The following APH1A variants were observed in gnomAD, a reference collection of about 807,000 sequenced individuals.
APH1A encodes aph-1A gamma-secretase subunit.
APH1A carries 16 observed loss-of-function variants against 30.3 expected under a neutral mutation model. The observed-to-expected ratio is 0.53, with a 90% confidence interval of 0.36 to 0.80. APH1A has a LOEUF of 0.80. Ranked by LOEUF, APH1A falls within the 30% of genes least tolerant of loss-of-function variation. The probability of loss-of-function intolerance (pLI) is 0.01; values close to 1 mark genes in which losing one functional copy is unlikely to be tolerated. For synonymous variants in APH1A, 144 were observed against 140.1 expected, an observed-to-expected ratio of 1.03 and a Z score of -0.20; for missense variants, 245 against 337.8, an observed-to-expected ratio of 0.73 and a Z score of 2.15.
intron 3 of APH1A, 57 bp downstream of exon 3, chr1:150,267,659 T>C: frequency 6.3e-7 from 1 of 1,585,214 alleles, no homozygotes; most frequent in Admixed American, 1.8e-5. Flanking sequence ...ATTTAGAGAC[T>C]TCCCTAGAGG....
intron 6 of APH1A, 60 bp downstream of exon 6, chr1:150,266,473 T>A: frequency 6.2e-7 from 1 of 1,610,672 alleles, no homozygotes; most frequent in Non-Finnish European, 8.5e-7. Context: ...GGCTCAGTCA[T>A]GGGCAGTGGA....
chr1:150,268,331 AAG>A, intron 1 of APH1A: 1 of 649,124 alleles, frequency 1.5e-6, no homozygotes, highest in Non-Finnish European at 2.6e-6. Flanking sequence ...AATCTAATTA[AAG>A]AGTCTTCAGA....
intron 5 of APH1A, 187 bp downstream of exon 5, chr1:150,266,888 T>G: frequency 1.8e-6 from 2 of 1,110,110 alleles, no homozygotes; most frequent in Non-Finnish European, 1.3e-6. Context: ...GTTTGACTAA[T>G]CCTTTCAACC....
intron 2 of APH1A, 21 bp from the exon 3 acceptor site, chr1:150,267,810 G>A (rs782578335): frequency 3.1e-6 from 5 of 1,613,412 alleles, no homozygotes; most frequent in South Asian, 2.2e-5. Context: ...GTGGGGTAGG[G>A]GAAACATGAG....
chr1:150,266,059 T>A lies in APH1A; in HGVS notation c.*71A>T, dbSNP rs1651672973. 4 of 1,529,862 alleles carry A rather than the reference T, an allele frequency of 2.6e-6. No individual in the cohort carries two copies. The African/African-American group carries it at 5.5e-5, about 21-fold the overall frequency. 94.8% of individuals were successfully genotyped at this position (1,529,862 alleles called of 1,614,324 possible). ...CTTGGCAACCTGCACTGTCCAGAAC[T>A]GGAGATGGAGAAATACAGGGCGAGG... is the stretch of plus-strand genomic sequence containing the variant. On this transcript the variant is annotated 3_prime_UTR_variant, in exon 7 of 7. Transcript: ENST00000369109.
chr1:150,268,860 G>T lies in APH1A; in HGVS notation c.-50C>A. ...GGGGGCCTGACCAGGACAGGCAAAT[G>T]GGAGGGGCGCGCCAGCTGGGGAGTC... On this transcript the variant is annotated 5_prime_UTR_variant, in exon 1 of 7. Transcript: ENST00000369109. The T allele has an allele frequency of 1.3e-6, 2 of 1,532,742 alleles. No individual in the cohort carries two copies. Among genetic ancestry groups the T allele is most frequent in the South Asian group, 1.2e-5 (1 of 85,810 alleles). 94.9% of individuals were successfully genotyped at this position (1,532,742 alleles called of 1,614,324 possible).
In APH1A at chr1:150,266,611, C is replaced by T; in HGVS notation, c.655G>A (p.Ala219Thr). The T allele has an allele frequency of 6.2e-7, 1 of 1,614,108 alleles. No individual in the cohort carries two copies. The highest frequency in any genetic ancestry group is 8.5e-7 in the Non-Finnish European group (1 of 1,179,996). Residue 219 changes from alanine to threonine, a missense_variant, in exon 6 of 7, where the codon GCA becomes ACA. Transcript: ENST00000369109. The part of the protein sequence containing the change: ...WYEASLLPIY[A>T]VTVSMGLWAF... ...CAGAGCCCCATGGAAACAGTGACTG[C>T]ATAGATGGGCAGCAGGCTGGCCTCA...
chr1:150,268,281 G>A, intron 1 of APH1A, 154 bp from the exon 2 acceptor site: 1 of 824,064 alleles, frequency 1.2e-6, no homozygotes, highest in Non-Finnish European at 1.8e-6. Flanking sequence ...TCCACCAAGA[G>A]ACTCATCTGT....
In APH1A at chr1:150,267,752, C is replaced by G; in HGVS notation, c.322G>C (p.Gly108Arg). ...DEGLASLSED[G>R]RSPISIRQMA... ...TGGCGGATGGAGATGGGTGATCTTC[C>G]GTCCTCACTCAGCGATGCTAACCCC... The change falls in exon 3 of 7, where the codon GGA (glycine) becomes CGA (arginine). Residue 108 changes from glycine to arginine, a missense_variant. Gly to Arg is a moderately radical substitution (Grantham distance 125). Coordinates refer to ENST00000369109, the MANE Select transcript of APH1A (RefSeq NM_001077628.3). 6.2e-7 allele frequency: 1 copy of G among 1,609,820 alleles called. No homozygotes were observed. Among genetic ancestry groups the G allele is most frequent in the Non-Finnish European group, 8.5e-7 (1 of 1,178,198 alleles).
intron 1 of APH1A, 32 bp downstream of exon 1, chr1:150,268,666 G>T: frequency 6.3e-7 from 1 of 1,584,358 alleles, no homozygotes. Context: ...TCTCTTCGAC[G>T]CTCTCCCGCG....
chr1:150,267,278 C>G (rs891284194), intron 4 of APH1A, 76 bp from the exon 5 acceptor site: 71 of 1,612,374 alleles, frequency 4.4e-5, no homozygotes, highest in Non-Finnish European at 5.4e-5. Context: ...CCAAAGAAGT[C>G]TCTCAGGGAA....
Position 150,268,484 on chromosome 1 carries a change from G to C in APH1A, c.113+214C>G, listed in dbSNP as rs587750776. 2.0e-5 allele frequency: 12 copies of C among 607,910 alleles called. No individual in the cohort carries two copies. In the African/African-American group the frequency reaches 2.2e-4, roughly 11 times the overall value. 37.7% of individuals were successfully genotyped at this position (607,910 alleles called of 1,614,324 possible). On this transcript the variant is annotated intron_variant, in intron 1 of 6. Transcript: ENST00000369109. The stretch of plus-strand genomic sequence containing the variant: ...CCTTGGGCCTTCTCTGACGTCGCTG[G>C]GAGGAATATAGGAGGAATCTGTGAG...
rs1651663594 is a variant in APH1A, at chr1:150,265,965, C to G, written c.*165G>C. 2.4e-6 allele frequency: 2 copies of G among 818,080 alleles called. No individual in the cohort carries two copies. Among genetic ancestry groups the G allele is most frequent in the South Asian group, 4.0e-5 (2 of 50,140 alleles). 50.7% of individuals were successfully genotyped at this position (818,080 alleles called of 1,614,324 possible). On this transcript the variant is annotated 3_prime_UTR_variant, in exon 7 of 7. Coordinates refer to ENST00000369109, the MANE Select transcript of APH1A (RefSeq NM_001077628.3). The stretch of plus-strand genomic sequence containing the variant: ...AGTCTTGAGGGAGTACTGAGAAACT[C>G]AGAGCTCATCTATCCTTGAGCCTCC...
In APH1A at chr1:150,268,714, T is replaced by C; in HGVS notation, c.97A>G (p.Ile33Val). The C allele has an allele frequency of 6.2e-7, 1 of 1,612,638 alleles. No individual in the cohort carries two copies. The highest frequency in any genetic ancestry group is 2.2e-5 in the East Asian group (1 of 44,832). The stretch of plus-strand genomic sequence containing the variant: ...TCTACTCACCCTGCGACCAGGATGA[T>C]AACGCGAAGCGGGTCCCCAGCCACA... ...ITVAGDPLRV[I>V]ILVAGAFFWL... is the part of the protein sequence containing the mutation. Residue 33 changes from isoleucine to valine, a missense_variant, in exon 1 of 7, where the codon ATC (isoleucine) becomes GTC (valine). By Grantham distance (29) the Ile-to-Val change is conservative. Coordinates refer to ENST00000369109, the MANE Select transcript of APH1A (RefSeq NM_001077628.3).
At chr1:150,268,274 A>G (rs1553850381) in intron 1 of APH1A, 147 bp from the exon 2 acceptor site, 26 of 850,192 alleles carry the variant, frequency 3.1e-5, no homozygotes. Flanking sequence ...AACTGTCTCC[A>G]CCAAGAGACT....
rs587697424 is a variant in APH1A, at chr1:150,265,640, T to C, written c.*490A>G. The C allele has an allele frequency of 5.8e-5, 9 of 154,672 alleles. No individual in the cohort carries two copies. Among genetic ancestry groups the C allele is most frequent in the African/African-American group, 2.2e-4 (9 of 41,558 alleles). 9.6% of individuals were successfully genotyped at this position (154,672 alleles called of 1,614,324 possible). On this transcript the variant is annotated 3_prime_UTR_variant, in exon 7 of 7. Transcript: ENST00000369109. ...TCACCACAGCACCCTCCACTTCACC[T>C]TGGGGAGAGGAGGGATGCTGGTGGT...
At chr1:150,268,653 C>T in intron 1 of APH1A, 45 bp downstream of exon 1, 1 of 1,563,594 alleles carries the variant, frequency 6.4e-7, no homozygotes, top group East Asian at 2.3e-5. Flanking sequence ...CCTTCCGCAC[C>T]TCTCTCTTCG....
intron 1 of APH1A, 55 bp downstream of exon 1, chr1:150,268,643 C>A: frequency 6.5e-7 from 1 of 1,536,812 alleles, no homozygotes; most frequent in South Asian, 1.2e-5. Flanking sequence ...TCCTCCAGCC[C>A]CTTCCGCACC....
chr1:150,267,229 T>C, intron 4 of APH1A, 27 bp from the exon 5 acceptor site: 2 of 1,613,952 alleles, frequency 1.2e-6, no homozygotes, highest in Admixed American at 3.3e-5. Flanking sequence ...GGGGAGGAGA[T>C]ACATCCCTGA....
Sources: gnomAD v4.1 joint callset for allele counts on GRCh38, gnomAD v4.1.1 for gene constraint, MANE v1.5 for transcripts, NCBI Gene and HGNC (gene_info 2026-07-23, HGNC 2026-07-21) for gene names.